LRP1B: variants seen among roughly 807,000 people sequenced by gnomAD.
LRP1B encodes the protein low-density lipoprotein receptor-related protein 1B.
A neutral mutation model predicts 556.6 loss-of-function variants in LRP1B; 217 were observed. That is an observed-to-expected ratio of 0.39 (90% CI 0.35 to 0.44). LRP1B has a LOEUF of 0.44. Ranked by LOEUF, LRP1B falls within the 20% of genes least tolerant of loss-of-function variation. The pLI is 1.00. For synonymous variants in LRP1B, 2,047 were observed against 1,865.8 expected, an observed-to-expected ratio of 1.10 and a Z score of -2.50; for missense variants, 5,053 against 5,620.8, an observed-to-expected ratio of 0.90 and a Z score of 3.23.
chr2:141,169,585 C>T (rs921507502), intron 7 of LRP1B, among the ~76,000 whole-genome samples: 3 of 151,510 alleles, frequency 2.0e-5, no homozygotes, highest in African/African-American at 4.8e-5. Flanking sequence ...AGGGCAATAG[C>T]GACAGAATTA....
rs756825067 is a variant in LRP1B at position 140,787,558 on chromosome 2, A to ATTTTTTTTTTTTTTTTTT, written c.5360-11338_5360-11321dup. Among the ~76,000 whole-genome samples the ATTTTTTTTTTTTTTTTTT allele has an allele frequency of 1.1e-4, 5 of 44,660 alleles. 1 individual carries two copies. In the East Asian group the frequency reaches 2.6e-3, roughly 23 times the overall value. The allele number at this position is 44,660 out of a possible 152,430, so 29.3% of individuals were successfully genotyped here. ...CCTATCTTCCTGTTTAAAACAGAAG[A>ATTTTTTTTTTTTTTTTTT]TTTTTTTTTTTTTTTTTTTTTTTTT... On this transcript the variant is annotated intron_variant, in intron 32 of 90. Transcript: ENST00000389484.
intron 83 of LRP1B, among the ~76,000 whole-genome samples, chr2:140,301,741 T>TTATA (rs952175410): frequency 6.6e-6 from 1 of 151,506 alleles, no homozygotes; most frequent in Admixed American, 6.6e-5. Flanking sequence ...GTAGTGTTGC[T>TTATA]TATATATATA....
chr2:140,901,353 C>T (rs1694099008), intron 23 of LRP1B, among the ~76,000 whole-genome samples: 1 of 151,928 alleles, frequency 6.6e-6, no homozygotes, highest in South Asian at 2.1e-4. Flanking sequence ...CTGTTGCAAC[C>T]TTGCAATGTA....
chr2:141,077,256 A>G (rs978738707), intron 7 of LRP1B, among the ~76,000 whole-genome samples: 32 of 124,070 alleles, frequency 2.6e-4, no homozygotes, highest in African/African-American at 8.2e-4. Flanking sequence ...TAAAAAACAA[A>G]CAAAAACAAA....
chr2:141,159,582 A>C (rs1702153667), intron 7 of LRP1B, among the ~76,000 whole-genome samples: 1 of 152,070 alleles, frequency 6.6e-6, no homozygotes, highest in Non-Finnish European at 1.5e-5. Flanking sequence ...AATTCTTAAA[A>C]AGCAAAGGTA....
intron 2 of LRP1B, among the ~76,000 whole-genome samples, chr2:141,808,646 A>G (rs1696238956): frequency 6.6e-6 from 1 of 152,110 alleles, no homozygotes; most frequent in South Asian, 2.1e-4. Flanking sequence ...AAAACATATC[A>G]ACAGAGTTGT....
chr2:140,806,746 T>C (rs1351936234), intron 32 of LRP1B, among the ~76,000 whole-genome samples: 2 of 152,222 alleles, frequency 1.3e-5, no homozygotes, highest in East Asian at 1.9e-4. Context: ...TTTAAAGCTA[T>C]GATCCATTTA....
intron 2 of LRP1B, among the ~76,000 whole-genome samples, chr2:141,562,122 A>G (rs1217257010): frequency 6.6e-6 from 1 of 151,692 alleles, no homozygotes. Flanking sequence ...CATTGGGTCA[A>G]AAATAATAGG....
chr2:141,173,258 T>C (rs372479441), intron 7 of LRP1B, among the ~76,000 whole-genome samples: 2 of 152,212 alleles, frequency 1.3e-5, no homozygotes, highest in South Asian at 2.1e-4. Flanking sequence ...TGTAATTTTG[T>C]TCTCAAGCAG....
At chr2:140,446,098 C>T (rs1208535191) in intron 63 of LRP1B, among the ~76,000 whole-genome samples, 1 of 151,984 alleles carries the variant, frequency 6.6e-6, no homozygotes, top group Non-Finnish European at 1.5e-5. Flanking sequence ...CAATCTATAA[C>T]ATTTTGTTAA....
chr2:140,916,292 G>T (rs187865458), intron 21 of LRP1B, among the ~76,000 whole-genome samples: 11 of 152,096 alleles, frequency 7.2e-5, no homozygotes, highest in Admixed American at 6.6e-4. Context: ...GGATATTTTT[G>T]GTTCTAATAA....
chr2:140,277,183 CA>C (rs1327201266), intron 84 of LRP1B, among the ~76,000 whole-genome samples: 2 of 151,764 alleles, frequency 1.3e-5, no homozygotes, highest in African/African-American at 2.4e-5. Context: ...CACACTCCAG[CA>C]AAGAGTAGTT....
At chr2:141,857,922 C>A (rs528668429) in intron 1 of LRP1B, among the ~76,000 whole-genome samples, 61 of 152,094 alleles carry the variant, frequency 4.0e-4, no homozygotes, top group Non-Finnish European at 7.9e-4. Flanking sequence ...TAAACCATTT[C>A]CCACTTGATA....
At position 140,373,068 on chromosome 2, in the gene LRP1B, A is replaced by T; in HGVS notation, c.10708T>A (p.Trp3570Arg). ...CAGTCTTCATGGCCATCACATTTCC[A>T]TTTTGCTGGTATACACTGACCATTG... Reference protein sequence around the residue: ...CSNGQCIPAKWKCDGHEDCKY... With the variant: ...CSNGQCIPAKRKCDGHEDCKY... The change falls in exon 69 of 91, where the codon TGG becomes AGG. Residue 3570 changes from tryptophan (W) to arginine (R), a missense_variant. Transcript: ENST00000389484. The T allele has an allele frequency of 6.2e-7, 1 of 1,613,358 alleles. No individual in the cohort carries two copies. The highest frequency in any genetic ancestry group is 1.1e-5 in the South Asian group (1 of 91,068).
At chr2:142,007,515 G>A (rs529380611) in intron 1 of LRP1B, among the ~76,000 whole-genome samples, 1 of 152,250 alleles carries the variant, frequency 6.6e-6, no homozygotes, top group East Asian at 1.9e-4. Flanking sequence ...GAATACGAAT[G>A]GGTTCTCAGT....
At chr2:141,774,889 A>T (rs1228989600) in intron 2 of LRP1B, among the ~76,000 whole-genome samples, 1 of 152,194 alleles carries the variant, frequency 6.6e-6, no homozygotes, top group African/African-American at 2.4e-5. Flanking sequence ...CGACTCAAGT[A>T]CATTGATTCT....
intron 3 of LRP1B, among the ~76,000 whole-genome samples, chr2:141,448,127 T>C (rs750168732): frequency 1.3e-5 from 2 of 152,188 alleles, no homozygotes; most frequent in African/African-American, 4.8e-5. Flanking sequence ...AGAGGAGGAA[T>C]CTAGAGTGCC....
intron 3 of LRP1B, among the ~76,000 whole-genome samples, chr2:141,358,496 GA>G (rs1290103023): frequency 1.3e-5 from 2 of 152,170 alleles, no homozygotes; most frequent in Non-Finnish European, 2.9e-5. Context: ...GAGATACCCT[GA>G]AAGGAGAATG....
chr2:140,982,139 CAT>C lies in LRP1B; in HGVS notation c.2887+19_2887+20del. On this transcript the variant is annotated intron_variant, in intron 18 of 90. Transcript: ENST00000389484. ...TATCTGACACAATCTGTAATAATAACATGTCTCACTCACAACTTACCACAAGA... is the reference window on the plus strand; with the variant it reads ...TATCTGACACAATCTGTAATAATAACGTCTCACTCACAACTTACCACAAGA... 2 of 1,557,842 alleles carry C rather than the reference CAT, an allele frequency of 1.3e-6. No individual in the cohort carries two copies. Among genetic ancestry groups the C allele is most frequent in the East Asian group, 2.2e-5 (1 of 44,582 alleles).
Sources: allele counts gnomAD v4.1 joint callset (sites outside exome capture counted in the v4.1 genomes callset), GRCh38; gene constraint gnomAD v4.1.1; transcripts MANE v1.5; gene names NCBI Gene and HGNC (gene_info 2026-07-23, HGNC 2026-07-21).